AUH: variants seen among roughly 807,000 people sequenced by gnomAD.
AUH encodes the protein methylglutaconyl-CoA hydratase, mitochondrial.
Under a neutral mutation model 42.3 loss-of-function variants are expected in AUH, and 29 were observed. That is an observed-to-expected ratio of 0.69 (90% confidence interval 0.51 to 0.93). The LOEUF is 0.93. AUH is among the 40% of genes least tolerant of loss of function. The probability of loss-of-function intolerance (pLI) is 0.00; values close to 1 mark genes in which losing one functional copy is unlikely to be tolerated. For synonymous variants in AUH, 174 were observed against 166.4 expected (o/e 1.05, Z -0.35); for missense variants, 452 against 438.1 (o/e 1.03, Z -0.28).
chr9:91,248,558 T>C (rs1020953877), intron 6 of AUH, among the ~76,000 whole-genome samples: 1 of 152,198 alleles, frequency 6.6e-6, no homozygotes, highest in East Asian at 1.9e-4. Context: ...AGATTACATA[T>C]ATGAGCTCTG....
intron 3 of AUH, among the ~76,000 whole-genome samples, chr9:91,333,009 C>G (rs918006962): frequency 2.0e-5 from 3 of 152,146 alleles, no homozygotes; most frequent in Non-Finnish European, 4.4e-5. Flanking sequence ...AGGGGCAGCA[C>G]CAGGCAGTAG....
chr9:91,334,042 T>C (rs777802441), intron 3 of AUH, among the ~76,000 whole-genome samples: 6 of 152,164 alleles, frequency 3.9e-5, no homozygotes, highest in South Asian at 2.1e-4. Flanking sequence ...AGACCCTTTA[T>C]GTATTAGACA....
At chr9:91,286,669 T>G (rs552843583) in intron 6 of AUH, among the ~76,000 whole-genome samples, 130 of 149,486 alleles carry the variant, frequency 8.7e-4, no homozygotes, top group African/African-American at 3.1e-3. Context: ...CATGAGGAAA[T>G]ATTAAGTTAA....
At chr9:91,357,253 A>C (rs1832485212) in intron 1 of AUH, among the ~76,000 whole-genome samples, 1 of 152,222 alleles carries the variant, frequency 6.6e-6, no homozygotes, top group African/African-American at 2.4e-5. Flanking sequence ...GAATTAACTC[A>C]TGTAATCCCC....
chr9:91,217,381 C>T (rs1826885298), intron 7 of AUH, 54 bp from the exon 8 acceptor site: 5 of 1,548,372 alleles, frequency 3.2e-6, no homozygotes, highest in Admixed American at 1.7e-5. Flanking sequence ...CAAATTATGT[C>T]GTATATCTCA....
chr9:91,319,300 G>A (rs1829391704), intron 4 of AUH, among the ~76,000 whole-genome samples: 1 of 152,108 alleles, frequency 6.6e-6, no homozygotes, highest in Admixed American at 6.5e-5. Flanking sequence ...TATCATCAAT[G>A]ACATCTCCTT....
Position 91,356,109 on chromosome 9 carries a change from G to A in AUH, c.309C>T (p.Leu103=). 1 of 1,613,434 alleles carries A rather than the reference G, an allele frequency of 6.2e-7. No homozygotes were observed. Among genetic ancestry groups the A allele is most frequent in the Non-Finnish European group, 8.5e-7 (1 of 1,179,664 alleles). ...TCACCATTTTTATAAGATTTTTACT[G>A]AGTGAATTTTTGCCATAAGCTCTGT... ...GINRAYGKNS[L]SKNLIKMLSK... is the part of the protein sequence containing the mutation. Residue 103 remains leucine, a synonymous_variant, in exon 2 of 10, where the codon CTC becomes CTT. Coordinates refer to ENST00000375731, the MANE Select transcript of AUH (RefSeq NM_001698.3).
intron 6 of AUH, among the ~76,000 whole-genome samples, chr9:91,244,452 G>T (rs1017442156): frequency 6.6e-6 from 1 of 152,190 alleles, no homozygotes; most frequent in Non-Finnish European, 1.5e-5. Context: ...AACTTAAGCT[G>T]CAAGTTTAAT....
rs974602842 is a variant in AUH at position 91,361,582 on chromosome 9, GAGCGGCCGCCCGCTGCCCCGCGCCTGCCC to G, written c.262+17_262+45del. Reference sequence around the variant, plus strand: ...TGCACCTTATGCCCGTCCTGAGAGCGAGCGGCCGCCCGCTGCCCCGCGCCTGCCCAGCGTTCGCACCTCACCTCGGTTCT... The same window carrying G: ...TGCACCTTATGCCCGTCCTGAGAGCGAGCGTTCGCACCTCACCTCGGTTCT... On this transcript the variant is annotated intron_variant, in intron 1 of 9. Coordinates refer to ENST00000375731, the MANE Select transcript of AUH (RefSeq NM_001698.3). The G allele has an allele frequency of 1.0e-5, 16 of 1,553,178 alleles. No individual in the cohort carries two copies. The East Asian group carries it at 1.7e-4, about 17-fold the overall frequency.
intron 6 of AUH, among the ~76,000 whole-genome samples, chr9:91,254,481 A>G (rs1395306860): frequency 6.6e-6 from 1 of 152,220 alleles, no homozygotes; most frequent in Non-Finnish European, 1.5e-5. Flanking sequence ...GTTTTGATGT[A>G]AAGTTCATTT....
chr9:91,359,818 C>T (rs904796537), intron 1 of AUH, among the ~76,000 whole-genome samples: 1 of 152,140 alleles, frequency 6.6e-6, no homozygotes, highest in Admixed American at 6.5e-5. Flanking sequence ...ACCCAGGAAA[C>T]TCCTTCACCT....
Position 91,214,122 on chromosome 9 carries a change from T to C in AUH, c.*226A>G. 1 of 484,058 alleles carries C rather than the reference T, an allele frequency of 2.1e-6. No individual in the cohort carries two copies. The highest frequency in any genetic ancestry group is 3.5e-5 in the Admixed American group (1 of 28,732). The allele number at this position is 484,058 out of a possible 1,614,324, so 30.0% of individuals were successfully genotyped here. On this transcript the variant is annotated 3_prime_UTR_variant, in exon 10 of 10. Coordinates refer to ENST00000375731, the MANE Select transcript of AUH (RefSeq NM_001698.3). Reference sequence around the variant, plus strand: ...AAATGTATATCTAACTTTGATTCTGTTTCTGACTATACACTACTAGCTTTA... The same window carrying C: ...AAATGTATATCTAACTTTGATTCTGCTTCTGACTATACACTACTAGCTTTA...
intron 6 of AUH, among the ~76,000 whole-genome samples, chr9:91,235,861 T>G (rs78162285): frequency 8.9e-4 from 136 of 152,254 alleles, no homozygotes; most frequent in Non-Finnish European, 1.4e-3. Flanking sequence ...CTTAGAGCTA[T>G]GGCAGCCACC....
At chr9:91,215,745 T>C (rs1022781241) in intron 9 of AUH, among the ~76,000 whole-genome samples, 9 of 152,124 alleles carry the variant, frequency 5.9e-5, no homozygotes, top group Non-Finnish European at 2.9e-5. Context: ...TCTACCTCTC[T>C]ACATTGCAGT....
chr9:91,305,152 A>G (rs902119916), intron 4 of AUH, among the ~76,000 whole-genome samples: 53 of 152,364 alleles, frequency 3.5e-4, no homozygotes, highest in African/African-American at 1.3e-3. Context: ...AGTCAATTAG[A>G]AGAGAACACC....
chr9:91,295,761 T>C (rs1827275439), intron 6 of AUH, among the ~76,000 whole-genome samples: 1 of 152,266 alleles, frequency 6.6e-6, no homozygotes, highest in African/African-American at 2.4e-5. Context: ...AGACTGCAGA[T>C]AGTGTAAACA....
At chr9:91,215,259 G>A (rs919813118) in intron 9 of AUH, among the ~76,000 whole-genome samples, 7 of 152,064 alleles carry the variant, frequency 4.6e-5, no homozygotes, top group African/African-American at 1.7e-4. Flanking sequence ...CTAATAATTT[G>A]TATGCAGTCA....
At chr9:91,320,381 C>T (rs1206160862) in intron 4 of AUH, among the ~76,000 whole-genome samples, 27 of 152,204 alleles carry the variant, frequency 1.8e-4, no homozygotes, top group Admixed American at 1.8e-3. Flanking sequence ...GGAGTATGCC[C>T]TGTGACAGTA....
chr9:91,307,425 T>C (rs2131729216), intron 4 of AUH, among the ~76,000 whole-genome samples: 1 of 152,328 alleles, frequency 6.6e-6, no homozygotes, highest in East Asian at 1.9e-4. Flanking sequence ...AGTCTCCCCT[T>C]ACGTGCGGTT....
Sources: allele counts gnomAD v4.1 joint callset (sites outside exome capture counted in the v4.1 genomes callset), GRCh38; gene constraint gnomAD v4.1.1; transcripts MANE v1.5; gene names NCBI Gene and HGNC (gene_info 2026-07-23, HGNC 2026-07-21).